MYO3A: variants seen among roughly 807,000 people sequenced by gnomAD.
The protein encoded by MYO3A is myosin IIIA.
A neutral mutation model predicts 192.7 loss-of-function variants in MYO3A; 180 were observed. The ratio of observed to expected loss-of-function variants is 0.93; its 90% CI spans 0.83 to 1.06. The LOEUF (loss-of-function observed/expected upper bound fraction) is 1.06, where lower values mean the gene tolerates loss of function less well. Ranked by LOEUF, MYO3A falls within the 50% of genes least tolerant of loss-of-function variation. The pLI, the probability that MYO3A is intolerant of heterozygous loss-of-function variation, is 0.00. For synonymous variants in MYO3A, 628 were observed against 645.3 expected (o/e 0.97, Z 0.41); for missense variants, 1,896 against 1,905.0 (o/e 1.00, Z 0.09).
intron 29 of MYO3A, among the ~76,000 whole-genome samples, chr10:26,173,250 T>TAC (rs1269065356): frequency 6.6e-6 from 1 of 152,184 alleles, no homozygotes; most frequent in Non-Finnish European, 1.5e-5. Flanking sequence ...CTTATTAAAG[T>TAC]ACAGTATGTC....
intron 30 of MYO3A, among the ~76,000 whole-genome samples, chr10:26,175,712 T>C (rs979938734): frequency 2.0e-5 from 3 of 152,190 alleles, no homozygotes; most frequent in Non-Finnish European, 4.4e-5. Context: ...TTAACGAACA[T>C]ACAGTTCTTC....
chr10:26,104,779 C>A (rs1343800961), intron 17 of MYO3A, among the ~76,000 whole-genome samples: 4 of 151,906 alleles, frequency 2.6e-5, no homozygotes, highest in Non-Finnish European at 5.9e-5. Flanking sequence ...TCTACATCTG[C>A]TCTCTTTCTC....
At chr10:26,107,527 G>A (rs1050849332) in intron 17 of MYO3A, among the ~76,000 whole-genome samples, 19 of 149,040 alleles carry the variant, frequency 1.3e-4, no homozygotes, top group African/African-American at 4.7e-4. Context: ...AACTGTGTCT[G>A]ACCCTTGGGC....
chr10:26,185,582 C>A (rs759777631), intron 31 of MYO3A, among the ~76,000 whole-genome samples: 2 of 152,088 alleles, frequency 1.3e-5, no homozygotes, highest in East Asian at 3.9e-4. Context: ...TCAAGTAATA[C>A]ACCCGCCTCG....
intron 31 of MYO3A, among the ~76,000 whole-genome samples, chr10:26,188,168 T>C (rs1842951380): frequency 1.3e-5 from 2 of 152,242 alleles, no homozygotes; most frequent in Admixed American, 1.3e-4. Flanking sequence ...TTCCTGACTT[T>C]TTAATGATCG....
intron 34 of MYO3A, among the ~76,000 whole-genome samples, chr10:26,210,806 C>T (rs905774223): frequency 1.1e-4 from 16 of 152,226 alleles, no homozygotes; most frequent in East Asian, 3.9e-4. Flanking sequence ...TCCTTGAACA[C>T]GATGTGTACA....
intron 20 of MYO3A, among the ~76,000 whole-genome samples, chr10:26,135,966 C>CAAAAA (rs55885370): frequency 4.0e-5 from 4 of 100,220 alleles, no homozygotes; most frequent in Admixed American, 1.2e-4. Context: ...AACTCCATCT[C>CAAAAA]AAAAAAAAAA....
chr10:26,068,885 G>A lies in MYO3A; in HGVS notation c.1170+1G>A. ...GAGTCTGGGTCTTTACTCCACAAAG[G>A]TATGTCGTATGGGGTGCATTCTGTT... On this transcript the variant is annotated splice_donor_variant, in intron 12 of 34. Coordinates refer to ENST00000642920, the MANE Select transcript of MYO3A (RefSeq NM_017433.5). LOFTEE classifies it high-confidence loss of function. 1 of 1,528,242 alleles carries A rather than the reference G, an allele frequency of 6.5e-7. No individual in the cohort carries two copies. The highest frequency in any genetic ancestry group is 1.1e-5 in the South Asian group (1 of 89,322). The allele number at this position is 1,528,242 out of a possible 1,614,324, so 94.7% of individuals were successfully genotyped here. A position where few individuals can be genotyped will look rare whatever the true frequency, so the allele number is the denominator to read the frequency against.
At chr10:26,086,994 A>ATT (rs386370970) in intron 14 of MYO3A, among the ~76,000 whole-genome samples, 3 of 151,706 alleles carry the variant, frequency 2.0e-5, no homozygotes, top group Non-Finnish European at 1.5e-5. Flanking sequence ...GTATATATAT[A>ATT]TTTTCAGATT....
Position 26,125,485 on chromosome 10 carries a change from G to T in MYO3A, c.1991G>T (p.Arg664Leu), listed in dbSNP as rs886042194. 30 of 1,613,864 alleles carry T rather than the reference G, an allele frequency of 1.9e-5. No individual in the cohort carries two copies. Among genetic ancestry groups the T allele is most frequent in the Non-Finnish European group, 2.3e-5 (27 of 1,179,924 alleles). The stretch of plus-strand genomic sequence containing the variant: ...GTCACTAGAGGAGAAACAATTATAC[G>T]ACCCAATACTGTAGAAAAAGCTACC... ...CVVTRGETII[R>L]PNTVEKATDV... The change falls in exon 19 of 35, where the codon CGA (arginine) becomes CTA (leucine). Residue 664 changes from arginine (R) to leucine (L), a missense_variant. By Grantham distance (102) the Arg-to-Leu change is moderately radical (BLOSUM62 -2). Transcript: ENST00000642920.
chr10:26,068,883 A>T lies in MYO3A; in HGVS notation c.1169A>T (p.Lys390Met). ...PFQSLGLYST[K>M]HSKLYIGSKR... ...CAGAGTCTGGGTCTTTACTCCACAA[A>T]GGTATGTCGTATGGGGTGCATTCTG... Residue 390 changes from lysine (K) to methionine (M), a missense_variant and splice_region_variant, in exon 12 of 35, where the codon AAG (lysine) becomes ATG (methionine). Physicochemically the swap from Lys to Met is moderately conservative, Grantham distance 95. Transcript: ENST00000642920. The T allele has an allele frequency of 2.6e-6, 4 of 1,553,616 alleles. No individual in the cohort carries two copies. Among genetic ancestry groups the T allele is most frequent in the Non-Finnish European group, 3.6e-6 (4 of 1,125,274 alleles).
intron 8 of MYO3A, 31 bp from the exon 9 acceptor site, chr10:26,023,991 C>T: frequency 1.3e-6 from 2 of 1,583,106 alleles, no homozygotes; most frequent in Non-Finnish European, 1.7e-6. Flanking sequence ...GACCAATATA[C>T]AGAATCCAAC....
At chr10:26,154,858 G>C (rs765049314) in intron 25 of MYO3A, 35 bp downstream of exon 25, 1 of 1,558,022 alleles carries the variant, frequency 6.4e-7, no homozygotes, top group Admixed American at 1.8e-5. Flanking sequence ...TGTGCTTAGG[G>C]GTGCTATTTA....
At chr10:25,998,574 A>T (rs1365256217) in intron 6 of MYO3A, among the ~76,000 whole-genome samples, 1 of 151,996 alleles carries the variant, frequency 6.6e-6, no homozygotes, top group Non-Finnish European at 1.5e-5. Flanking sequence ...ACAACAAATC[A>T]TTCTTCACTG....
At position 26,194,060 on chromosome 10, in the gene MYO3A, C is replaced by T. The variant is rs114422466; in HGVS notation, c.4545+749C>T. Among the ~76,000 whole-genome samples the T allele has an allele frequency of 2.5e-3, 386 of 152,262 alleles. 2 individuals carry two copies. Among genetic ancestry groups the T allele is most frequent in the African/African-American group, 8.8e-3 (366 of 41,542 alleles). On this transcript the variant is annotated intron_variant, in intron 32 of 34. Transcript: ENST00000642920. Reference sequence around the variant, plus strand: ...TCTCATACCTGTGATCCATCAGTGGCTCTAACTGTGGCTTCTACCTGCAAA... The same window carrying T: ...TCTCATACCTGTGATCCATCAGTGGTTCTAACTGTGGCTTCTACCTGCAAA...
At chr10:25,978,449 C>T (rs911085313) in intron 4 of MYO3A, among the ~76,000 whole-genome samples, 2 of 152,158 alleles carry the variant, frequency 1.3e-5, no homozygotes, top group African/African-American at 4.8e-5. Flanking sequence ...CTTTCTATAA[C>T]CATCAAATAT....
Position 25,954,940 on chromosome 10 carries a change from G to C in MYO3A, c.235G>C (p.Val79Leu), listed in dbSNP as rs1385591137. ...LKALSDHPNV[V>L]RFYGIYFKKD... ...AGCACTTTCTGACCACCCTAATGTG[G>C]TCAGATTCTATGGGATATACTTTAA... Residue 79 changes from valine (V) to leucine (L), a missense_variant, in exon 4 of 35, where the codon GTC becomes CTC. Transcript: ENST00000642920. 1.2e-6 allele frequency: 2 copies of C among 1,612,650 alleles called. No homozygotes were observed. The highest frequency in any genetic ancestry group is 2.2e-5 in the South Asian group (2 of 91,052).
At chr10:26,029,263 A>T (rs1190396828) in intron 10 of MYO3A, among the ~76,000 whole-genome samples, 2 of 150,102 alleles carry the variant, frequency 1.3e-5, no homozygotes, top group African/African-American at 4.9e-5. Flanking sequence ...TCCTGTTAAA[A>T]ATTCAGAATA....
intron 9 of MYO3A, among the ~76,000 whole-genome samples, chr10:26,026,155 TAA>T (rs1173247768): frequency 6.9e-6 from 1 of 144,682 alleles, no homozygotes; most frequent in Non-Finnish European, 1.6e-5. Context: ...CACTGCAGCT[TAA>T]TCACTCACAG....
Sources: gnomAD v4.1 joint callset for allele counts (sites outside exome capture counted in the v4.1 genomes callset) on GRCh38, gnomAD v4.1.1 for gene constraint, MANE v1.5 for transcripts, NCBI Gene and HGNC (gene_info 2026-07-23, HGNC 2026-07-21) for gene names.